Variants in PYY observed in about 807,000 individuals in gnomAD.
The protein encoded by PYY is peptide YY.
In PYY, 12 loss-of-function variants were observed where a neutral mutation model predicts 10.3. That is an observed-to-expected ratio of 1.17 (90% CI 0.75 to 1.89). PYY has a LOEUF of 1.89. PYY is among the 40% of genes most tolerant of loss of function. The pLI is 0.00. For missense variants in PYY, 141 were observed against 134.0 expected, an observed-to-expected ratio of 1.05 and a Z score of -0.26; for synonymous variants, 66 against 62.0, an observed-to-expected ratio of 1.06 and a Z score of -0.30.
At chr17:43,957,728 C>G (rs1311414606), upstream of PYY, among the ~76,000 whole-genome samples, 1 of 152,056 alleles carries the variant, frequency 6.6e-6, no homozygotes, top group Non-Finnish European at 1.5e-5. Context: ...AGAGAAAAAT[C>G]AGAGCCGGGT....
intron 1 of PYY, among the ~76,000 whole-genome samples, chr17:43,989,117 G>A (rs377144341): frequency 4.0e-5 from 6 of 151,872 alleles, no homozygotes; most frequent in Non-Finnish European, 8.8e-5. Context: ...GCTCACGCCT[G>A]TAATCCCAAG....
intron 1 of PYY, among the ~76,000 whole-genome samples, chr17:43,986,576 C>G (rs1386983757): frequency 6.6e-6 from 1 of 152,218 alleles, no homozygotes; most frequent in East Asian, 1.9e-4. Flanking sequence ...TTTCAGCAAG[C>G]CACTTTGCCT....
chr17:43,955,714 G>A (rs1028623736), upstream of PYY, among the ~76,000 whole-genome samples: 10 of 152,172 alleles, frequency 6.6e-5, no homozygotes, highest in African/African-American at 2.4e-4. Context: ...AGTATGAGCG[G>A]TTCCCAGAAC....
intron 1 of PYY, among the ~76,000 whole-genome samples, chr17:43,985,503 C>CA (rs1259856076): frequency 6.6e-6 from 1 of 152,202 alleles, no homozygotes; most frequent in Non-Finnish European, 1.5e-5. Context: ...TTTTAAATGA[C>CA]AATGTCCAAG....
intron 1 of PYY, among the ~76,000 whole-genome samples, chr17:44,003,583 A>G (rs1284728154): frequency 6.7e-6 from 1 of 149,930 alleles, no homozygotes; most frequent in Admixed American, 6.7e-5. Flanking sequence ...TGAACCCAGA[A>G]GGCGGGGATT....
chr17:43,963,574 GAAA>G (rs2048728942), intron 2 of PYY, among the ~76,000 whole-genome samples: 9 of 51,308 alleles, frequency 1.8e-4, no homozygotes, highest in African/African-American at 4.4e-4. Context: ...GGAAGGAAAA[GAAA>G]GAAAGAAAGA....
intron 1 of PYY, among the ~76,000 whole-genome samples, chr17:43,993,354 G>A (rs1416176010): frequency 1.3e-5 from 2 of 152,098 alleles, no homozygotes; most frequent in Non-Finnish European, 2.9e-5. Flanking sequence ...AGGTACTCGG[G>A]AGGCTGAGGC....
At chr17:43,989,809 T>A (rs753626748) in intron 1 of PYY, among the ~76,000 whole-genome samples, 256 of 10,498 alleles carry the variant, frequency 0.024, 1 homozygote, top group Non-Finnish European at 0.032. Context: ...GCTGTCTCTT[T>A]AAAAAAAAAA....
At chr17:43,975,075 G>T (rs1304448018) in intron 1 of PYY, among the ~76,000 whole-genome samples, 1 of 152,116 alleles carries the variant, frequency 6.6e-6, no homozygotes, top group African/African-American at 2.4e-5. Context: ...CCCCATGTCT[G>T]CAGGATGTCA....
chr17:43,996,982 C>A (rs558628566), intron 1 of PYY, among the ~76,000 whole-genome samples: 1 of 152,120 alleles, frequency 6.6e-6, no homozygotes, highest in East Asian at 1.9e-4. Flanking sequence ...AGCCACTGCA[C>A]GTGGCCTAAT....
chr17:44,004,131 A>C (rs1047498659), intron 1 of PYY, among the ~76,000 whole-genome samples: 1 of 152,142 alleles, frequency 6.6e-6, no homozygotes, highest in South Asian at 2.1e-4. Context: ...GCTGGTACCC[A>C]GTGACTGGAG....
At chr17:43,967,259 C>T (rs890702122) in intron 1 of PYY, among the ~76,000 whole-genome samples, 3 of 152,188 alleles carry the variant, frequency 2.0e-5, no homozygotes, top group Non-Finnish European at 2.9e-5. Flanking sequence ...GCTGAGATCA[C>T]ACCACTGCAC....
intron 1 of PYY, among the ~76,000 whole-genome samples, chr17:43,969,378 G>A (rs1170093939): frequency 2.0e-5 from 3 of 151,620 alleles, no homozygotes; most frequent in African/African-American, 4.8e-5. Flanking sequence ...TAGCTGGGCC[G>A]TGGTGGCGGG....
At chr17:43,973,205 TAA>T (rs1220188248) in intron 1 of PYY, among the ~76,000 whole-genome samples, 1 of 152,170 alleles carries the variant, frequency 6.6e-6, no homozygotes, top group Non-Finnish European at 1.5e-5. Flanking sequence ...AGTAAGTTTT[TAA>T]AAAGTGTTTG....
At chr17:43,963,813 CAA>C (rs34095430) in intron 2 of PYY, among the ~76,000 whole-genome samples, 2 of 147,418 alleles carry the variant, frequency 1.4e-5, no homozygotes, top group African/African-American at 5.0e-5. Flanking sequence ...ACCAAAAATA[CAA>C]AAAAAAAAAT....
intron 1 of PYY, among the ~76,000 whole-genome samples, chr17:43,972,176 A>ATTTATTTTATTTTAT (rs372620054): frequency 7.0e-6 from 1 of 142,168 alleles, no homozygotes; most frequent in Non-Finnish European, 1.5e-5. Context: ...TTAGTTATTT[A>ATTTATTTTATTTTAT]TTTATTTTAT....
chr17:43,991,510 G>T (rs1045084322), intron 1 of PYY, among the ~76,000 whole-genome samples: 14 of 152,212 alleles, frequency 9.2e-5, no homozygotes, highest in Non-Finnish European at 1.8e-4. Context: ...TGGTCAGGCT[G>T]GTGGATGCTG....
rs542314662 is a variant in PYY, at chr17:43,981,992, C to A, written c.-462-15460G>T. ...CTCTTAATGGTATGATCAATATAGT[C>A]CAATGTATCACTTTCCATAAACATT... On this transcript the variant is annotated intron_variant, in intron 1 of 6. Transcript: ENST00000360085. 5.9e-5 allele frequency among the ~76,000 whole-genome samples: 9 copies of A among 152,304 alleles called. No homozygotes were observed. The East Asian group carries it at 9.6e-4, about 16-fold the overall frequency.
At chr17:43,991,627 A>G (rs1195160834) in intron 1 of PYY, among the ~76,000 whole-genome samples, 3 of 152,090 alleles carry the variant, frequency 2.0e-5, no homozygotes, top group Non-Finnish European at 4.4e-5. Context: ...TCATTAAAAT[A>G]TCTTGTGTAG....
Sources: gnomAD v4.1 joint callset for allele counts (sites outside exome capture counted in the v4.1 genomes callset) on GRCh38, gnomAD v4.1.1 for gene constraint, MANE v1.5 for transcripts, NCBI Gene and HGNC (gene_info 2026-07-23, HGNC 2026-07-21) for gene names.